EML5: variants seen among roughly 807,000 people sequenced by gnomAD.
EML5 encodes the protein echinoderm microtubule-associated protein-like 5.
A neutral mutation model predicts 250.0 loss-of-function variants in EML5; 120 were observed. The observed-to-expected ratio is 0.48, with a 90% CI of 0.41 to 0.56. The LOEUF is 0.56. Ranked by LOEUF, EML5 falls within the 20% of genes least tolerant of loss-of-function variation. The pLI is 0.00. For missense variants in EML5, 2,006 were observed against 2,437.6 expected (o/e 0.82, Z 3.73); for synonymous variants, 771 against 806.5 (o/e 0.96, Z 0.75).
In EML5 at chr14:88,657,507, A is replaced by T; in HGVS notation, c.3878-5T>A. Reference sequence around the variant, plus strand: ...TTGTAACATCACTGTCATAGCCTACAATAAAAATATACGAGTAATTCTTTA... The same window carrying T: ...TTGTAACATCACTGTCATAGCCTACTATAAAAATATACGAGTAATTCTTTA... On this transcript the variant is annotated splice_polypyrimidine_tract_variant and splice_region_variant and intron_variant, in intron 26 of 43. Transcript: ENST00000554922. The T allele has an allele frequency of 1.3e-6, 2 of 1,589,000 alleles. No individual in the cohort carries two copies. Among genetic ancestry groups the T allele is most frequent in the Non-Finnish European group, 1.7e-6 (2 of 1,169,688 alleles).
intron 13 of EML5, among the ~76,000 whole-genome samples, chr14:88,703,907 T>C (rs2093266797): frequency 1.3e-5 from 2 of 152,186 alleles, no homozygotes; most frequent in Admixed American, 6.5e-5. Context: ...TTTCCATACA[T>C]ATGAAACTTT....
At chr14:88,727,202 T>G (rs973015398) in intron 7 of EML5, among the ~76,000 whole-genome samples, 1 of 152,190 alleles carries the variant, frequency 6.6e-6, no homozygotes, top group African/African-American at 2.4e-5. Context: ...ATCTTTTTCC[T>G]CTTATGTCAA....
chr14:88,782,735 G>C (rs2094509631), intron 1 of EML5, among the ~76,000 whole-genome samples: 1 of 152,202 alleles, frequency 6.6e-6, no homozygotes, highest in Non-Finnish European at 1.5e-5. Context: ...CAAATGTGCA[G>C]AAGACAAGAA....
At chr14:88,704,347 C>T (rs930941466) in intron 13 of EML5, among the ~76,000 whole-genome samples, 6 of 152,172 alleles carry the variant, frequency 3.9e-5, no homozygotes, top group African/African-American at 1.4e-4. Flanking sequence ...TGAGGCTTCA[C>T]CAGAAGCTGA....
intron 10 of EML5, among the ~76,000 whole-genome samples, chr14:88,710,302 G>C (rs534635325): frequency 6.6e-6 from 1 of 152,104 alleles, no homozygotes; most frequent in Non-Finnish European, 1.5e-5. Context: ...AGCTAACTTC[G>C]TATATTTTTT....
At chr14:88,705,086 T>A (rs550508399) in intron 12 of EML5, 108 bp from the exon 13 acceptor site, 35 of 701,934 alleles carry the variant, frequency 5.0e-5, no homozygotes, top group Non-Finnish European at 7.2e-5. Flanking sequence ...ACAGCTTTAA[T>A]AGTAGTCTTA....
intron 7 of EML5, among the ~76,000 whole-genome samples, chr14:88,729,140 CTG>C (rs770143005): frequency 1.1e-4 from 16 of 151,546 alleles, no homozygotes; most frequent in Non-Finnish European, 1.5e-4. Flanking sequence ...CCTTTCCAAT[CTG>C]TGTGTGTGTA....
intron 36 of EML5, chr14:88,623,426 T>G (rs1256043639): frequency 2.6e-5 from 4 of 152,094 alleles, no homozygotes; most frequent in African/African-American, 9.7e-5. Flanking sequence ...AGAGTTGATT[T>G]ATTTATTTTT....
chr14:88,743,090 G>A (rs1341877238), intron 4 of EML5, among the ~76,000 whole-genome samples: 1 of 151,980 alleles, frequency 6.6e-6, no homozygotes, highest in Non-Finnish European at 1.5e-5. Context: ...ACAAAACCCA[G>A]AGCTTTCATA....
At chr14:88,791,422 G>A (rs2094607147) in intron 1 of EML5, among the ~76,000 whole-genome samples, 2 of 152,106 alleles carry the variant, frequency 1.3e-5, no homozygotes, top group Non-Finnish European at 2.9e-5. Flanking sequence ...TGTGCTTGAG[G>A]CAATAATCAG....
intron 33 of EML5, among the ~76,000 whole-genome samples, chr14:88,634,183 G>A (rs754258765): frequency 6.6e-6 from 1 of 152,052 alleles, no homozygotes; most frequent in African/African-American, 2.4e-5. Context: ...TCGTTTAAAC[G>A]TGTAGTACCT....
At chr14:88,679,672 AT>A (rs1222505430) in intron 21 of EML5, among the ~76,000 whole-genome samples, 4 of 152,188 alleles carry the variant, frequency 2.6e-5, no homozygotes, top group African/African-American at 9.6e-5. Context: ...AGCCTGGGTG[AT>A]AGAGCAAGAC....
chr14:88,774,789 G>T (rs2094431506), intron 1 of EML5, among the ~76,000 whole-genome samples: 1 of 152,080 alleles, frequency 6.6e-6, no homozygotes, highest in African/African-American at 2.4e-5. Flanking sequence ...TAGGTTCATG[G>T]CTTTAAATAC....
In EML5 at chr14:88,726,557, T is replaced by C. The variant is rs546064098; in HGVS notation, c.1171A>G (p.Thr391Ala). ...ATACCATACCTTACTCTAAGTACAGTGAATGAGCCATCCTTCATTCCAAGG... is the reference window on the plus strand; with the variant it reads ...ATACCATACCTTACTCTAAGTACAGCGAATGAGCCATCCTTCATTCCAAGG... ...LALGMKDGSFTVLRVRDMTEV... is the reference protein window; with the variant it reads ...LALGMKDGSFAVLRVRDMTEV... The change falls in exon 8 of 44, where the codon ACT (threonine) becomes GCT (alanine). Residue 391 changes from threonine (T) to alanine (A), a missense_variant. Transcript: ENST00000554922. 5 of 1,606,318 alleles carry C rather than the reference T, an allele frequency of 3.1e-6. No homozygotes were observed. In the Admixed American group the frequency reaches 8.4e-5, roughly 27 times the overall value.
At chr14:88,674,080 C>T (rs1383393426) in intron 21 of EML5, among the ~76,000 whole-genome samples, 1 of 152,064 alleles carries the variant, frequency 6.6e-6, no homozygotes, top group East Asian at 1.9e-4. Flanking sequence ...ACCAGCCTGG[C>T]CAACATAGTG....
chr14:88,614,573 A>G lies in EML5; in HGVS notation c.*1245T>C, dbSNP rs1004068403. The G allele has an allele frequency of 6.6e-6, 1 of 152,226 alleles. No homozygotes were observed. Among genetic ancestry groups the G allele is most frequent in the Non-Finnish European group, 1.5e-5 (1 of 68,032 alleles). 9.4% of individuals were successfully genotyped at this position (152,226 alleles called of 1,614,324 possible). A position where few individuals can be genotyped will look rare whatever the true frequency, so the allele number is the denominator to read the frequency against. ...AAGATAATTAACACATTAAAAACTC[A>G]TAGGGTCAATACAGCATCTTAAACC... On this transcript the variant is annotated 3_prime_UTR_variant, in exon 44 of 44. Coordinates refer to ENST00000554922, the MANE Select transcript of EML5 (RefSeq NM_183387.3).
At chr14:88,706,186 A>G (rs187302352) in intron 11 of EML5, 73 bp downstream of exon 11, 197 of 1,379,628 alleles carry the variant, frequency 1.4e-4, no homozygotes, top group Non-Finnish European at 1.8e-4. Context: ...ATACTTTAAT[A>G]TAAAATTGTT....
At chr14:88,647,531 T>C (rs893814120) in intron 28 of EML5, among the ~76,000 whole-genome samples, 5 of 151,618 alleles carry the variant, frequency 3.3e-5, no homozygotes, top group African/African-American at 9.7e-5. Context: ...ACCCCATCTC[T>C]ATAAAAAACA....
intron 3 of EML5, among the ~76,000 whole-genome samples, chr14:88,744,895 T>C (rs781257172): frequency 1.3e-5 from 2 of 152,052 alleles, no homozygotes; most frequent in Non-Finnish European, 2.9e-5. Context: ...TGATGCTCTT[T>C]AGTGATAATG....
Sources: allele counts gnomAD v4.1 joint callset (sites outside exome capture counted in the v4.1 genomes callset), GRCh38; gene constraint gnomAD v4.1.1; transcripts MANE v1.5; gene names NCBI Gene and HGNC (gene_info 2026-07-23, HGNC 2026-07-21).